The following PTPRZ1 variants were observed in gnomAD, a reference collection of about 807,000 sequenced individuals.
The protein encoded by PTPRZ1 is receptor-type tyrosine-protein phosphatase zeta.
A neutral mutation model predicts 214.1 loss-of-function variants in PTPRZ1; 82 were observed. The observed-to-expected ratio is 0.38, with a 90% CI of 0.32 to 0.46. The LOEUF (loss-of-function observed/expected upper bound fraction) is 0.46. PTPRZ1 is among the 20% of genes least tolerant of loss of function. The pLI, the probability that PTPRZ1 is intolerant of heterozygous loss-of-function variation, is 1.00. For synonymous variants in PTPRZ1, 945 were observed against 987.9 expected (o/e 0.96, Z 0.81); for missense variants, 2,603 against 2,748.7 (o/e 0.95, Z 1.19).
At chr7:121,923,094 G>T (rs915067054) in intron 1 of PTPRZ1, among the ~76,000 whole-genome samples, 2 of 152,068 alleles carry the variant, frequency 1.3e-5, no homozygotes, top group African/African-American at 2.4e-5. Flanking sequence ...CTACATGAGC[G>T]CTCCCTGGAC....
intron 6 of PTPRZ1, among the ~76,000 whole-genome samples, chr7:121,981,288 G>A (rs75553532): frequency 0.019 from 2,933 of 152,324 alleles, 51 homozygotes; most frequent in East Asian, 0.086. Context: ...CTGACCACTA[G>A]AGATCTTAAT....
intron 2 of PTPRZ1, among the ~76,000 whole-genome samples, chr7:121,965,721 G>A (rs1797029745): frequency 6.6e-6 from 1 of 152,174 alleles, no homozygotes; most frequent in Non-Finnish European, 1.5e-5. Flanking sequence ...TCATAGGGTG[G>A]AAATTTTGGG....
At chr7:121,930,739 A>T (rs1432142519) in intron 2 of PTPRZ1, among the ~76,000 whole-genome samples, 1 of 152,152 alleles carries the variant, frequency 6.6e-6, no homozygotes, top group East Asian at 1.9e-4. Context: ...ATTGTCTTTT[A>T]AAAAACTTTA....
intron 1 of PTPRZ1, among the ~76,000 whole-genome samples, chr7:121,879,547 T>C (rs908846218): frequency 2.6e-5 from 4 of 152,332 alleles, no homozygotes; most frequent in African/African-American, 7.2e-5. Context: ...ATCATGTGGA[T>C]GTACGTGCTT....
In PTPRZ1 at chr7:122,010,454, A is replaced by T. The variant is rs149926989; in HGVS notation, c.1408A>T (p.Ile470Leu). ...TTCTACCACAACACACTACAATCGC[A>T]TAGGGACGAAATACAATGAAGCCAA... is the stretch of plus-strand genomic sequence containing the variant. ...QISTTTHYNR[I>L]GTKYNEAKTN... Residue 470 changes from isoleucine (I) to leucine (L), a missense_variant, in exon 12 of 30, where the codon ATA becomes TTA. Transcript: ENST00000393386. 890 of 1,614,092 alleles carry T rather than the reference A, an allele frequency of 5.5e-4. 2 individuals carry two copies. Among genetic ancestry groups the T allele is most frequent in the Admixed American group, 1.7e-3 (101 of 60,008 alleles).
chr7:122,051,610 C>T, intron 24 of PTPRZ1, 89 bp downstream of exon 24: 2 of 1,062,098 alleles, frequency 1.9e-6, no homozygotes, highest in Non-Finnish European at 2.8e-6. Flanking sequence ...ACCTTTGGAG[C>T]AAATGGAGCA....
At position 121,946,478 on chromosome 7, in the gene PTPRZ1, A is replaced by G. The variant is rs1043455867; in HGVS notation, c.124+18257A>G. ...ATCACTCTTAATTCATTTCCTGGAA[A>G]AGAGACAACTGACAACAAAGTAGCG... On this transcript the variant is annotated intron_variant, in intron 2 of 29. Coordinates refer to ENST00000393386, the MANE Select transcript of PTPRZ1 (RefSeq NM_002851.3). 5.9e-5 allele frequency among the ~76,000 whole-genome samples: 9 copies of G among 152,322 alleles called. No homozygotes were observed. In the East Asian group the frequency reaches 7.7e-4, roughly 13 times the overall value.
intron 1 of PTPRZ1, among the ~76,000 whole-genome samples, chr7:121,903,781 C>T (rs1275529026): frequency 6.6e-6 from 1 of 152,050 alleles, no homozygotes; most frequent in South Asian, 2.1e-4. Context: ...AGAGTTAATC[C>T]TAGTAAGCCT....
intron 7 of PTPRZ1, 48 bp from the exon 8 acceptor site, chr7:121,983,919 C>T: frequency 6.3e-7 from 1 of 1,595,454 alleles, no homozygotes; most frequent in Non-Finnish European, 8.6e-7. Context: ...AAAGCATTTA[C>T]CAATGCCTTT....
intron 1 of PTPRZ1, among the ~76,000 whole-genome samples, chr7:121,888,777 C>G (rs1179026941): frequency 2.0e-5 from 3 of 152,036 alleles, no homozygotes; most frequent in Admixed American, 1.3e-4. Context: ...TTACAGTGCT[C>G]AGATGTTAAT....
intron 8 of PTPRZ1, among the ~76,000 whole-genome samples, chr7:121,985,811 A>G (rs1341252026): frequency 6.6e-6 from 1 of 152,214 alleles, no homozygotes; most frequent in African/African-American, 2.4e-5. Context: ...CAGCTTCTCC[A>G]GACTTCATAG....
chr7:122,034,468 C>T lies in PTPRZ1; in HGVS notation c.5284+90C>T, dbSNP rs1799478397. On this transcript the variant is annotated intron_variant, in intron 17 of 29. Transcript: ENST00000393386. ...GTCCTGAAGTCATCTGAGAGCTGAC[C>T]TTAGTGTGGCTGTTTGGGGCCTTTT... 2.6e-5 allele frequency: 29 copies of T among 1,128,480 alleles called. No homozygotes were observed. In the South Asian group the frequency reaches 3.7e-4, roughly 14 times the overall value. The allele number at this position is 1,128,480 out of a possible 1,614,324, so 69.9% of individuals were successfully genotyped here.
intron 1 of PTPRZ1, among the ~76,000 whole-genome samples, chr7:121,927,802 C>T (rs1236225969): frequency 6.6e-6 from 1 of 152,148 alleles, no homozygotes; most frequent in African/African-American, 2.4e-5. Context: ...AGGCATTAGA[C>T]TTAGGGAATG....
chr7:122,010,611 CTG>C lies in PTPRZ1; in HGVS notation c.1568_1569del (p.Val523AspfsTer2), dbSNP rs1425489055. On this transcript the variant is annotated frameshift_variant, in exon 12 of 30. Transcript: ENST00000393386. LOFTEE classifies it high-confidence loss of function. ...AAAGATATTTCCTTGACTTCTCAGA[CTG>C]TGACTGAACTGCCACCTCACACTGT... 1 of 1,613,610 alleles carries C rather than the reference CTG, an allele frequency of 6.2e-7. No individual in the cohort carries two copies. The highest frequency in any genetic ancestry group is 8.5e-7 in the Non-Finnish European group (1 of 1,179,598).
At chr7:122,055,961 A>G (rs1792338558) in intron 27 of PTPRZ1, among the ~76,000 whole-genome samples, 1 of 151,942 alleles carries the variant, frequency 6.6e-6, no homozygotes, top group Non-Finnish European at 1.5e-5. Flanking sequence ...AATAACTAAT[A>G]GTGTAAACAG....
Position 121,976,773 on chromosome 7 carries a change from C to A in PTPRZ1, c.553-12C>A, listed in dbSNP as rs774815425. The A allele has an allele frequency of 1.8e-5, 29 of 1,575,330 alleles. No homozygotes were observed. The Admixed American group carries it at 3.6e-4, about 20-fold the overall frequency. On this transcript the variant is annotated splice_polypyrimidine_tract_variant and intron_variant, in intron 5 of 29. Transcript: ENST00000393386. ...TTTATTCTTTTTTTAGAATGTGATT[C>A]TTTTTTAACAGGTTGGGACAGAAGA...
chr7:121,944,199 G>T (rs181253397), intron 2 of PTPRZ1, among the ~76,000 whole-genome samples: 2 of 152,068 alleles, frequency 1.3e-5, no homozygotes, highest in African/African-American at 2.4e-5. Flanking sequence ...GAATCTGGCT[G>T]TAAGTTATCT....
chr7:121,988,245 G>A (rs1452224582), intron 8 of PTPRZ1, among the ~76,000 whole-genome samples: 1 of 152,128 alleles, frequency 6.6e-6, no homozygotes, highest in Admixed American at 6.5e-5. Context: ...CCCTTCTAGG[G>A]GGGATCAGAG....
rs1340808125 is a variant in PTPRZ1 at position 122,012,451 on chromosome 7, T to A, written c.3405T>A (p.Ser1135=). 6.2e-7 allele frequency: 1 copy of A among 1,613,422 alleles called. No homozygotes were observed. Among genetic ancestry groups the A allele is most frequent in the African/African-American group, 1.3e-5 (1 of 74,936 alleles). ...CTACACATACTGTCTCTCAAGCATC[T>A]GGTGACACTTCGCTTAAACCTGTGC... The part of the protein sequence containing the change: ...VQPTHTVSQA[S]GDTSLKPVLS... Residue 1135 remains serine (S), a synonymous_variant, in exon 12 of 30, where the codon TCT becomes TCA. Coordinates refer to ENST00000393386, the MANE Select transcript of PTPRZ1 (RefSeq NM_002851.3).
Sources: allele counts gnomAD v4.1 joint callset (sites outside exome capture counted in the v4.1 genomes callset), GRCh38; gene constraint gnomAD v4.1.1; transcripts MANE v1.5; gene names NCBI Gene and HGNC (gene_info 2026-07-23, HGNC 2026-07-21).